CALCR: variants seen among roughly 807,000 people sequenced by gnomAD.
CALCR encodes calcitonin receptor.
Under a neutral mutation model 59.5 loss-of-function variants are expected in CALCR, and 47 were observed. The observed-to-expected ratio is 0.79, with a 90% CI of 0.63 to 1.01. The LOEUF is 1.01. CALCR is among the 50% of genes least tolerant of loss of function. The probability of loss-of-function intolerance (pLI) is 0.00; values close to 1 mark genes in which losing one functional copy is unlikely to be tolerated. For synonymous variants in CALCR, 213 were observed against 211.3 expected (o/e 1.01, Z -0.07); for missense variants, 566 against 597.1 (o/e 0.95, Z 0.54).
chr7:93,559,654 T>C (rs894520238), intron 2 of CALCR: 8 of 152,010 alleles, frequency 5.3e-5, no homozygotes, highest in Admixed American at 3.3e-4. Context: ...TTACTTTTAA[T>C]GGAGCAAAGC....
chr7:93,435,111 T>C (rs949624764), intron 12 of CALCR, among the ~76,000 whole-genome samples: 1 of 152,122 alleles, frequency 6.6e-6, no homozygotes, highest in Non-Finnish European at 1.5e-5. Context: ...GCCATTCTCC[T>C]ATCCAGTGCG....
At chr7:93,499,955 C>A (rs1277237115) in intron 2 of CALCR, among the ~76,000 whole-genome samples, 6 of 151,812 alleles carry the variant, frequency 4.0e-5, no homozygotes, top group Non-Finnish European at 1.5e-5. Context: ...TCCTTATACA[C>A]ACACTGTTGA....
At chr7:93,436,943 C>G (rs1005347749) in intron 11 of CALCR, among the ~76,000 whole-genome samples, 2 of 152,120 alleles carry the variant, frequency 1.3e-5, no homozygotes, top group African/African-American at 4.8e-5. Flanking sequence ...AAATCAAGTG[C>G]CCATATTTGC....
In CALCR at chr7:93,435,831, TA is replaced by T. The variant is rs1163056080; in HGVS notation, c.1149+120del. The T allele has an allele frequency of 1.6e-4, 55 of 336,054 alleles. 1 individual carries two copies. The Middle Eastern group carries it at 2.6e-3, about 16-fold the overall frequency. 20.8% of individuals were successfully genotyped at this position (336,054 alleles called of 1,614,324 possible). On this transcript the variant is annotated intron_variant, in intron 12 of 13. Coordinates refer to ENST00000426151, the MANE Select transcript of CALCR (RefSeq NM_001742.4). Reference sequence around the variant, plus strand: ...AAAAAAAATAAAATAAAATAATAAATAAATAAATAAATAAATAAACAAATAA... The same window carrying T: ...AAAAAAAATAAAATAAAATAATAAATAATAAATAAATAAATAAACAAATAA...
intron 2 of CALCR, among the ~76,000 whole-genome samples, chr7:93,492,012 C>G (rs548669380): frequency 1.3e-5 from 2 of 151,910 alleles, no homozygotes; most frequent in East Asian, 1.9e-4. Context: ...AAATGCCCAT[C>G]AAAGATAGAC....
At chr7:93,474,251 A>T (rs1800617857) in intron 5 of CALCR, among the ~76,000 whole-genome samples, 1 of 151,744 alleles carries the variant, frequency 6.6e-6, no homozygotes, top group Non-Finnish European at 1.5e-5. Context: ...GATAATATTT[A>T]TCAAGACACT....
chr7:93,499,588 T>C lies in CALCR; in HGVS notation c.-26-12581A>G, dbSNP rs772401291. 4.5e-4 allele frequency among the ~76,000 whole-genome samples: 68 copies of C among 151,822 alleles called. 1 individual carries two copies. The highest frequency in any genetic ancestry group is 8.7e-4 in the Non-Finnish European group (59 of 67,848). On this transcript the variant is annotated intron_variant, in intron 2 of 13. Transcript: ENST00000426151. The stretch of plus-strand genomic sequence containing the variant: ...AGAAAAAGCTGCAGTAAAAGGTAAA[T>C]GTTGCAGACTTATCAGCATTTCTTT...
chr7:93,491,263 G>A (rs990017822), intron 2 of CALCR, among the ~76,000 whole-genome samples: 1 of 151,896 alleles, frequency 6.6e-6, no homozygotes, highest in African/African-American at 2.4e-5. Context: ...AACTCAAGAT[G>A]GATTAAATTC....
At chr7:93,448,587 C>T (rs759290947) in intron 8 of CALCR, among the ~76,000 whole-genome samples, 7 of 151,852 alleles carry the variant, frequency 4.6e-5, no homozygotes, top group African/African-American at 1.2e-4. Flanking sequence ...CAAATAAGTG[C>T]CACTATGTAC....
chr7:93,521,784 A>T lies in CALCR; in HGVS notation c.-26-34777T>A, dbSNP rs187567364. Reference sequence around the variant, plus strand: ...TTAATACTATTTTATTCCATTACATATCTATTAAATACTTTATTAAATAAT... The same window carrying T: ...TTAATACTATTTTATTCCATTACATTTCTATTAAATACTTTATTAAATAAT... On this transcript the variant is annotated intron_variant, in intron 2 of 13. Transcript: ENST00000426151. 5.9e-5 allele frequency among the ~76,000 whole-genome samples: 9 copies of T among 152,298 alleles called. No homozygotes were observed. The East Asian group carries it at 1.7e-3, about 29-fold the overall frequency.
chr7:93,493,093 C>G (rs1801120530), intron 2 of CALCR, among the ~76,000 whole-genome samples: 1 of 151,238 alleles, frequency 6.6e-6, no homozygotes, highest in Admixed American at 6.6e-5. Context: ...AATACACATC[C>G]TAACAACCTT....
At chr7:93,455,376 C>T (rs1800189903) in intron 8 of CALCR, among the ~76,000 whole-genome samples, 1 of 152,002 alleles carries the variant, frequency 6.6e-6, no homozygotes, top group South Asian at 2.1e-4. Flanking sequence ...AATAACTTCT[C>T]TTTCCCCAAA....
intron 7 of CALCR, among the ~76,000 whole-genome samples, chr7:93,462,314 G>T (rs1800354428): frequency 6.6e-6 from 1 of 152,050 alleles, no homozygotes; most frequent in African/African-American, 2.4e-5. Context: ...ATTTAGAGAA[G>T]AGCTTTCTCT....
At chr7:93,467,804 A>G (rs928881862) in intron 7 of CALCR, among the ~76,000 whole-genome samples, 1 of 151,280 alleles carries the variant, frequency 6.6e-6, no homozygotes, top group Non-Finnish European at 1.5e-5. Context: ...ATTACTACCA[A>G]TAATAATAAT....
intron 2 of CALCR, among the ~76,000 whole-genome samples, chr7:93,556,357 G>C (rs1584629716): frequency 6.6e-6 from 1 of 152,090 alleles, no homozygotes; most frequent in South Asian, 2.1e-4. Flanking sequence ...CACTGTTTGA[G>C]TTCAAATGTC....
rs185615446 is a variant in CALCR at position 93,487,212 on chromosome 7, C to A, written c.-26-205G>T. ...TTTTCCTGTCAACTAGATTGTTATA[C>A]CTGAGGCCCTCCTATTAAGAAATTC... On this transcript the variant is annotated intron_variant, in intron 2 of 13. Transcript: ENST00000426151. Among the ~76,000 whole-genome samples, 714 of 151,346 alleles carry A rather than the reference C, an allele frequency of 4.7e-3. 6 individuals are homozygous for A. The highest frequency in any genetic ancestry group is 0.017 in the African/African-American group (684 of 41,416).
chr7:93,483,515 A>G (rs201029717), intron 3 of CALCR, among the ~76,000 whole-genome samples: 2 of 107,418 alleles, frequency 1.9e-5, no homozygotes, highest in African/African-American at 7.9e-5. Context: ...TTTTATGTAT[A>G]TTATATATAT....
intron 2 of CALCR, among the ~76,000 whole-genome samples, chr7:93,528,823 C>T (rs1462366780): frequency 6.6e-6 from 1 of 152,164 alleles, no homozygotes; most frequent in African/African-American, 2.4e-5. Flanking sequence ...CTGATTAAGG[C>T]TTCTGATGTA....
At chr7:93,493,517 T>C (rs1490793371) in intron 2 of CALCR, among the ~76,000 whole-genome samples, 2 of 151,358 alleles carry the variant, frequency 1.3e-5, no homozygotes, top group African/African-American at 4.8e-5. Context: ...GTCACCATCT[T>C]TCTCTTCAGT....
Sources: gnomAD v4.1 joint callset for allele counts (sites outside exome capture counted in the v4.1 genomes callset) on GRCh38, gnomAD v4.1.1 for gene constraint, MANE v1.5 for transcripts, NCBI Gene and HGNC (gene_info 2026-07-23, HGNC 2026-07-21) for gene names.